Variants in MAPK10 observed in about 807,000 individuals in gnomAD.
The protein encoded by MAPK10 is JNK3 alpha protein kinase.
Under a neutral mutation model 59.3 loss-of-function variants are expected in MAPK10, and 25 were observed. That is an observed-to-expected ratio of 0.42 (90% CI 0.31 to 0.59). The LOEUF (loss-of-function observed/expected upper bound fraction) is 0.59. Among genes scored for constraint, MAPK10 ranks in the 20% least tolerant of loss-of-function variants. MAPK10 has a pLI of 0.15. For synonymous variants in MAPK10, 190 were observed against 200.5 expected (o/e 0.95, Z 0.44); for missense variants, 351 against 568.9 (o/e 0.62, Z 3.90).
chr4:86,157,379 TA>T (rs1252359064), intron 4 of MAPK10, among the ~76,000 whole-genome samples: 2 of 151,994 alleles, frequency 1.3e-5, no homozygotes, highest in African/African-American at 4.8e-5. Context: ...ATCTGTTTTG[TA>T]ATTTTTTCCT....
rs2063535066 is a variant in MAPK10, at chr4:86,141,044, T to C, written c.236+18254A>G. Among the ~76,000 whole-genome samples the C allele has an allele frequency of 2.6e-5, 4 of 152,180 alleles. No individual in the cohort carries two copies. In the South Asian group the frequency reaches 8.3e-4, roughly 31 times the overall value. ...ATCATTGAACCAATACCCAATACCC[T>C]CATTTTATTTAGACATGAGGAAATT... is the stretch of plus-strand genomic sequence containing the variant. On this transcript the variant is annotated intron_variant, in intron 4 of 13. Coordinates refer to ENST00000641462, the MANE Select transcript of MAPK10 (RefSeq NM_138982.4).
At chr4:86,313,622 A>C (rs2095715109) in intron 2 of MAPK10, among the ~76,000 whole-genome samples, 1 of 152,160 alleles carries the variant, frequency 6.6e-6, no homozygotes, top group Non-Finnish European at 1.5e-5. Context: ...TATTCTCAAC[A>C]TTGTTTGTCA....
chr4:86,184,074 C>T (rs942214697), intron 3 of MAPK10, among the ~76,000 whole-genome samples: 2 of 152,082 alleles, frequency 1.3e-5, no homozygotes, highest in Non-Finnish European at 2.9e-5. Flanking sequence ...CAAAAATTTT[C>T]TCCCATTCTG....
At chr4:86,070,339 T>C (rs774041882) in intron 9 of MAPK10, among the ~76,000 whole-genome samples, 5 of 151,458 alleles carry the variant, frequency 3.3e-5, no homozygotes, top group African/African-American at 4.9e-5. Context: ...GAGCACATGA[T>C]TTTTCTTTCT....
chr4:86,133,444 G>T (rs192565042), intron 4 of MAPK10, among the ~76,000 whole-genome samples: 168 of 151,992 alleles, frequency 1.1e-3, no homozygotes, highest in African/African-American at 3.8e-3. Flanking sequence ...TCTTAAAGAG[G>T]GAGCTCCAAA....
chr4:86,067,983 A>G (rs1003266640), intron 9 of MAPK10, 28 bp from the exon 10 acceptor site: 2 of 1,518,908 alleles, frequency 1.3e-6, no homozygotes, highest in Non-Finnish European at 1.8e-6. Flanking sequence ...AAGGGAAAAA[A>G]GAAGAGCAGA....
At chr4:86,288,870 G>A (rs547156639) in intron 2 of MAPK10, among the ~76,000 whole-genome samples, 1 of 151,142 alleles carries the variant, frequency 6.6e-6, no homozygotes, top group Admixed American at 6.6e-5. Context: ...TCAAGAACTT[G>A]ATATGTGCCA....
chr4:86,368,432 C>T (rs1738249493), intron 1 of MAPK10, among the ~76,000 whole-genome samples: 1 of 152,188 alleles, frequency 6.6e-6, no homozygotes, highest in African/African-American at 2.4e-5. Context: ...TGGGTTTTGA[C>T]AAATGTATAG....
chr4:86,372,033 T>C (rs1483561597), intron 1 of MAPK10, among the ~76,000 whole-genome samples: 1 of 152,182 alleles, frequency 6.6e-6, no homozygotes, highest in African/African-American at 2.4e-5. Flanking sequence ...CAAGTGGACC[T>C]AATAGACATC....
intron 2 of MAPK10, among the ~76,000 whole-genome samples, chr4:86,207,181 T>C (rs1404762610): frequency 6.6e-6 from 1 of 151,482 alleles, no homozygotes; most frequent in East Asian, 1.9e-4. Context: ...TGGTTTTAGG[T>C]CTAACGTTTA....
Position 86,451,008 on chromosome 4 carries a change from A to C in MAPK10, c.-122+2022T>G, listed in dbSNP as rs371067665. 1.1e-3 allele frequency among the ~76,000 whole-genome samples: 164 copies of C among 152,336 alleles called. 1 individual carries two copies. Among genetic ancestry groups the C allele is most frequent in the African/African-American group, 3.5e-3 (147 of 41,576 alleles). ...TTACGCAAAGAAAGGGAGCATATTC[A>C]AAGTTAAGTTTTAGAGAGATTTTGT... is the stretch of plus-strand genomic sequence containing the variant. On this transcript the variant is annotated intron_variant, in intron 1 of 13. Coordinates refer to the MAPK10 transcript ENST00000361569.
chr4:86,109,635 T>C (rs376594820), intron 4 of MAPK10, among the ~76,000 whole-genome samples: 7 of 152,234 alleles, frequency 4.6e-5, no homozygotes, highest in Non-Finnish European at 1.0e-4. Context: ...CAGTCTATCA[T>C]TGATGGGCAT....
intron 2 of MAPK10, among the ~76,000 whole-genome samples, chr4:86,310,148 T>C (rs1171013584): frequency 1.3e-5 from 2 of 152,192 alleles, no homozygotes; most frequent in Non-Finnish European, 2.9e-5. Flanking sequence ...CTGCCCTTGC[T>C]TCAGGATGTC....
rs1333557544 is a variant in MAPK10, at chr4:86,011,371, A to G, written c.*5857T>C. ...CATGTTACAAATACAAAACACCACC[A>G]TGATGAATTGGGAATGTCAAAAACC... On this transcript the variant is annotated 3_prime_UTR_variant, in exon 14 of 14. Coordinates refer to ENST00000641462, the MANE Select transcript of MAPK10 (RefSeq NM_138982.4). 2 of 152,228 alleles carry G rather than the reference A, an allele frequency of 1.3e-5. No homozygotes were observed. The highest frequency in any genetic ancestry group is 1.3e-4 in the Admixed American group (2 of 15,278). 9.4% of individuals were successfully genotyped at this position (152,228 alleles called of 1,614,324 possible).
chr4:86,068,433 AT>A (rs1389450095), intron 9 of MAPK10, among the ~76,000 whole-genome samples: 12 of 152,066 alleles, frequency 7.9e-5, no homozygotes, highest in African/African-American at 2.7e-4. Flanking sequence ...TCTTTAAGAT[AT>A]TTTTTCTTCT....
chr4:86,100,610 G>A (rs1407700498), intron 8 of MAPK10: 2 of 153,118 alleles, frequency 1.3e-5, no homozygotes, highest in Non-Finnish European at 2.9e-5. Context: ...AAGGATTTGT[G>A]TCACTTTTTT....
intron 1 of MAPK10, among the ~76,000 whole-genome samples, chr4:86,517,766 G>A (rs190963049): frequency 1.2e-3 from 186 of 152,116 alleles, no homozygotes; most frequent in Non-Finnish European, 1.2e-3. Context: ...ATCTATTTAC[G>A]CTTTAAGGAA....
intron 11 of MAPK10, among the ~76,000 whole-genome samples, chr4:86,049,380 A>G (rs2043099150): frequency 6.6e-6 from 1 of 151,878 alleles, no homozygotes; most frequent in Non-Finnish European, 1.5e-5. Flanking sequence ...ATTATATAAT[A>G]CTTTTTAATG....
intron 1 of MAPK10, among the ~76,000 whole-genome samples, chr4:86,402,478 A>G (rs1455628120): frequency 6.6e-6 from 1 of 152,200 alleles, no homozygotes; most frequent in East Asian, 1.9e-4. Flanking sequence ...ATGGGCCAGG[A>G]TATTTTTAAA....
Sources: allele counts gnomAD v4.1 joint callset (sites outside exome capture counted in the v4.1 genomes callset), GRCh38; gene constraint gnomAD v4.1.1; transcripts MANE v1.5; gene names NCBI Gene and HGNC (gene_info 2026-07-23, HGNC 2026-07-21).